Variants in ANKRD28 observed in about 807,000 individuals in gnomAD.
The protein encoded by ANKRD28 is ankyrin repeat domain 28, also known as serine/threonine-protein phosphatase 6 regulatory ankyrin repeat subunit A.
A neutral mutation model predicts 126.5 loss-of-function variants in ANKRD28; 44 were observed. The observed-to-expected ratio is 0.35, with a 90% CI of 0.27 to 0.45. The LOEUF (loss-of-function observed/expected upper bound fraction) is 0.45, where lower values mean the gene tolerates loss of function less well. ANKRD28 is among the 20% of genes least tolerant of loss of function. The pLI is 1.00. For missense variants in ANKRD28, 1,110 were observed against 1,316.6 expected (o/e 0.84, Z 2.43); for synonymous variants, 442 against 468.5 (o/e 0.94, Z 0.73).
At chr3:15,771,894 C>G (rs1305753808) in intron 2 of ANKRD28, among the ~76,000 whole-genome samples, 1 of 152,092 alleles carries the variant, frequency 6.6e-6, no homozygotes, top group Non-Finnish European at 1.5e-5. Context: ...AGAAAGATAA[C>G]CTGACAATTT....
chr3:15,706,552 G>A (rs989581485), intron 14 of ANKRD28, among the ~76,000 whole-genome samples: 10 of 152,222 alleles, frequency 6.6e-5, no homozygotes, highest in South Asian at 4.2e-4. Flanking sequence ...ATAAACATAC[G>A]TGTGCATGTG....
At chr3:15,715,582 GGGA>G (rs1242422519) in intron 8 of ANKRD28, among the ~76,000 whole-genome samples, 3 of 152,140 alleles carry the variant, frequency 2.0e-5, no homozygotes, top group Admixed American at 2.0e-4. Context: ...AGAAAGGAAG[GGGA>G]GGAGGAGAGA....
intron 21 of ANKRD28, among the ~76,000 whole-genome samples, chr3:15,681,435 T>C (rs1362641919): frequency 1.3e-5 from 2 of 152,212 alleles, no homozygotes; most frequent in Non-Finnish European, 1.5e-5. Flanking sequence ...TCAAATTTTC[T>C]TACCCTAATT....
chr3:15,841,122 G>C (rs1236628780), intron 1 of ANKRD28, among the ~76,000 whole-genome samples: 1 of 152,142 alleles, frequency 6.6e-6, no homozygotes, highest in Non-Finnish European at 1.5e-5. Flanking sequence ...CTAGGCAACA[G>C]AGCAAGACTG....
At chr3:15,766,467 A>G (rs1398333496) in intron 2 of ANKRD28, among the ~76,000 whole-genome samples, 155 bp from the exon 3 acceptor site, 2 of 152,190 alleles carry the variant, frequency 1.3e-5, no homozygotes, top group East Asian at 1.9e-4. Flanking sequence ...GCAAGTCCCA[A>G]TAAAATAAAA....
chr3:15,671,941 T>C (rs1393574907), intron 27 of ANKRD28, among the ~76,000 whole-genome samples: 4 of 152,152 alleles, frequency 2.6e-5, no homozygotes, highest in African/African-American at 9.7e-5. Flanking sequence ...TATGTATTAT[T>C]TCATATCTGG....
At chr3:15,746,367 C>T (rs1329077193) in intron 4 of ANKRD28, among the ~76,000 whole-genome samples, 3 of 152,132 alleles carry the variant, frequency 2.0e-5, no homozygotes, top group African/African-American at 7.2e-5. Context: ...GCTTCTATTA[C>T]CTTAAGATAT....
rs759991786 is a variant in ANKRD28 at position 15,694,641 on chromosome 3, C to G, written c.1761+98G>C. 2.1e-4 allele frequency: 204 copies of G among 985,996 alleles called. 1 individual carries two copies. Among genetic ancestry groups the G allele is most frequent in the Non-Finnish European group, 2.9e-4 (191 of 655,852 alleles). The allele number at this position is 985,996 out of a possible 1,614,324, so 61.1% of individuals were successfully genotyped here. On this transcript the variant is annotated intron_variant, in intron 17 of 27. Coordinates refer to ENST00000683139, the MANE Select transcript of ANKRD28 (RefSeq NM_001349278.2). ...ATTCCATGATAACTATTACATGGAC[C>G]AAAAGTTTATGGTACTAGTTTGAGT...
chr3:15,859,774 C>G (rs951919904), upstream of ANKRD28: 18 of 152,666 alleles, frequency 1.2e-4, no homozygotes, highest in African/African-American at 3.9e-4. Context: ...GCGGCCGCGC[C>G]GTTCCAGCCC....
At chr3:15,820,381 G>A (rs2060917033) in intron 1 of ANKRD28, among the ~76,000 whole-genome samples, 1 of 151,916 alleles carries the variant, frequency 6.6e-6, no homozygotes, top group Admixed American at 6.6e-5. Flanking sequence ...TAAAGCTACT[G>A]ATTTACCAAA....
chr3:15,837,801 G>C (rs1235341133), intron 1 of ANKRD28, among the ~76,000 whole-genome samples: 1 of 144,260 alleles, frequency 6.9e-6, no homozygotes, highest in African/African-American at 2.6e-5. Flanking sequence ...AAGAATCAAT[G>C]AAACAGAAAA....
rs775108870 is a variant in ANKRD28 at position 15,796,544 on chromosome 3, T to C, written c.-23A>G. On this transcript the variant is annotated 5_prime_UTR_variant, in exon 1 of 28. Transcript: ENST00000683139. ...CATTCGATCTTTTAAAACACTAAATTCCAAGCTATGTGATAAAAGTCACAG... is the reference window on the plus strand; with the variant it reads ...CATTCGATCTTTTAAAACACTAAATCCCAAGCTATGTGATAAAAGTCACAG... 1.0e-4 allele frequency: 132 copies of C among 1,269,666 alleles called. 1 individual carries two copies. The highest frequency in any genetic ancestry group is 1.3e-4 in the Non-Finnish European group (127 of 976,708). The allele number at this position is 1,269,666 out of a possible 1,614,324, so 78.7% of individuals were successfully genotyped here.
At chr3:15,813,995 A>G (rs2060781134) in intron 1 of ANKRD28, among the ~76,000 whole-genome samples, 1 of 152,178 alleles carries the variant, frequency 6.6e-6, no homozygotes, top group South Asian at 2.1e-4. Flanking sequence ...GAGATCTTAG[A>G]TTTATAAGCC....
chr3:15,766,166 T>C (rs903019886), intron 3 of ANKRD28, 68 bp downstream of exon 3: 8 of 1,247,406 alleles, frequency 6.4e-6, no homozygotes, highest in Non-Finnish European at 9.1e-6. Flanking sequence ...TAGTCAATTA[T>C]GATTGAGAAA....
At position 15,817,127 on chromosome 3, in the gene ANKRD28, G is replaced by A. The variant is rs1311295079; in HGVS notation, c.28-21821C>T. Among the ~76,000 whole-genome samples the A allele has an allele frequency of 6.6e-6, 1 of 152,180 alleles. No individual in the cohort carries two copies. The highest frequency in any genetic ancestry group is 1.5e-5 in the Non-Finnish European group (1 of 68,026). ...CTTCCACAGAGTGAGCATCGTTTAA[G>A]GTAGGGGCTGTGTCTCACTCATTTC... is the stretch of plus-strand genomic sequence containing the variant. On this transcript the variant is annotated intron_variant, in intron 1 of 27. Transcript: ENST00000399451. This position sits in a 1 kb window ranked among gnomAD's most constrained non-coding sequence, Gnocchi z 4.5.
Position 15,815,638 on chromosome 3 carries a change from T to C in ANKRD28, c.28-20332A>G, listed in dbSNP as rs1034625353. ...TCTGAAAGAATCGTCATCAATGCTA[T>C]GACAAAGAATCATCTTTGTTATAGT... On this transcript the variant is annotated intron_variant, in intron 1 of 27. Coordinates refer to the ANKRD28 transcript ENST00000399451. This position sits in a 1 kb window ranked among gnomAD's most constrained non-coding sequence, Gnocchi z 4.1. Among the ~76,000 whole-genome samples, 2 of 152,172 alleles carry C rather than the reference T, an allele frequency of 1.3e-5. No individual in the cohort carries two copies. Among genetic ancestry groups the C allele is most frequent in the African/African-American group, 2.4e-5 (1 of 41,438 alleles).
chr3:15,859,408 G>A (rs763148099), exon 1 of ANKRD28: 57 of 1,526,286 alleles, frequency 3.7e-5, no homozygotes, highest in Non-Finnish European at 4.6e-5. Context: ...CGCCATGGCG[G>A]TCGCCTCCGC....
chr3:15,804,224 A>C (rs544631605), intron 1 of ANKRD28, among the ~76,000 whole-genome samples: 1 of 144,556 alleles, frequency 6.9e-6, no homozygotes, highest in Non-Finnish European at 1.5e-5. Context: ...AGTACAAGAT[A>C]AAAGACAGTA....
intron 14 of ANKRD28, among the ~76,000 whole-genome samples, chr3:15,699,280 T>TA (rs1292500321): frequency 6.6e-6 from 1 of 151,986 alleles, no homozygotes; most frequent in African/African-American, 2.4e-5. Flanking sequence ...CCTAAAACCA[T>TA]AAAAAACCCT....
Sources: gnomAD v4.1 joint callset for allele counts (sites outside exome capture counted in the v4.1 genomes callset) on GRCh38, gnomAD v4.1.1 for gene constraint, Gnocchi (gnomAD v3.1) non-coding constraint, MANE v1.5 for transcripts, NCBI Gene and HGNC (gene_info 2026-07-23, HGNC 2026-07-21) for gene names.